The following RIC3 variants were observed in gnomAD, a reference collection of about 807,000 sequenced individuals.
RIC3 encodes the protein RIC3 acetylcholine receptor chaperone, also known as protein RIC-3.
In RIC3, 28 loss-of-function variants were observed where a neutral mutation model predicts 27.3. That is an observed-to-expected ratio of 1.02 (90% CI 0.76 to 1.41). The LOEUF (loss-of-function observed/expected upper bound fraction) is 1.41. RIC3 is among the 40% of genes most tolerant of loss of function. The probability of loss-of-function intolerance (pLI) is 0.00; values close to 1 mark genes in which losing one functional copy is unlikely to be tolerated. For synonymous variants in RIC3, 184 were observed against 160.4 expected (o/e 1.15, Z -1.11); for missense variants, 501 against 444.7 (o/e 1.13, Z -1.14).
intron 5 of RIC3, among the ~76,000 whole-genome samples, chr11:8,120,925 A>G (rs1170062770): frequency 6.6e-6 from 1 of 152,170 alleles, no homozygotes; most frequent in Non-Finnish European, 1.5e-5. Flanking sequence ...CAATTTGTGT[A>G]CAGGTGAAAA....
the RIC3 span, among the ~76,000 whole-genome samples, chr11:8,100,180 A>G: frequency 6.6e-6 from 1 of 152,208 alleles, no homozygotes; most frequent in African/African-American, 2.4e-5. Flanking sequence ...TATAATTGGA[A>G]GGTGGAGCTG....
chr11:8,096,855 C>G, the RIC3 span: 2 of 1,596,240 alleles, frequency 1.3e-6, no homozygotes, highest in Non-Finnish European at 1.7e-6. Flanking sequence ...GACTGCTCAT[C>G]CGTTAGAGGT....
the RIC3 span, chr11:8,097,196 G>C: frequency 1.9e-5 from 30 of 1,611,902 alleles, no homozygotes; most frequent in Non-Finnish European, 2.5e-5. Flanking sequence ...TAGGGTCCTT[G>C]GGGCTCAGGC....
rs1482651589 is a variant in RIC3 at position 8,138,283 on chromosome 11, T to G, written c.416A>C (p.His139Pro). 7 of 1,612,400 alleles carry G rather than the reference T, an allele frequency of 4.3e-6. No homozygotes were observed. In the East Asian group the frequency reaches 8.9e-5, roughly 21 times the overall value. The change falls in exon 3 of 6, where the codon CAC becomes CCC. Residue 139 changes from histidine to proline, a missense_variant. Transcript: ENST00000309737. ...GAAGGGGCACTTACTAATTTTCCTG[T>G]GGGTGTTTCCAGGCATGGCAGTATA... ...KCYTAMPGNT[H>P]RKITSFELAQ... is the part of the protein sequence containing the mutation.
At chr11:8,133,970 T>C (rs1948052413) in intron 4 of RIC3, among the ~76,000 whole-genome samples, 1 of 151,590 alleles carries the variant, frequency 6.6e-6, no homozygotes, top group Admixed American at 6.6e-5. Flanking sequence ...AGAGGTTTCA[T>C]CTATGGTTTT....
chr11:8,101,131 T>C (rs761303639), downstream of RIC3: 11 of 1,109,848 alleles, frequency 9.9e-6, no homozygotes, highest in African/African-American at 1.6e-5. Flanking sequence ...GTTAGATGTA[T>C]GGAACTTTCT....
intron 1 of RIC3, among the ~76,000 whole-genome samples, chr11:8,164,570 G>C (rs1951496027): frequency 6.6e-6 from 1 of 151,978 alleles, no homozygotes; most frequent in Admixed American, 6.6e-5. Context: ...GAGGCCAGAA[G>C]TTCAAGACCA....
chr11:8,101,743 GGGCTCCCTGGCCCAGCCAGCCAGGAACT>G, downstream of RIC3: 1 of 1,448,912 alleles, frequency 6.9e-7, no homozygotes, highest in South Asian at 1.5e-5. Context: ...GGCCCTCAGT[GGGCTCCCTGGCCCAGCCAGCCAGGAACT>G]GGCTCCTTTG....
At chr11:8,153,811 C>G (rs1950445850) in intron 1 of RIC3, among the ~76,000 whole-genome samples, 1 of 152,134 alleles carries the variant, frequency 6.6e-6, no homozygotes, top group Non-Finnish European at 1.5e-5. Context: ...TCATTTTCAC[C>G]TCCTAAAACC....
At position 8,111,065 on chromosome 11, in the gene RIC3, A is replaced by G. The variant is rs1945198924; in HGVS notation, c.743T>C (p.Val248Ala). The G allele has an allele frequency of 6.2e-7, 1 of 1,614,118 alleles. No homozygotes were observed. Among genetic ancestry groups the G allele is most frequent in the Non-Finnish European group, 8.5e-7 (1 of 1,179,992 alleles). Residue 248 changes from valine to alanine, a missense_variant, in exon 6 of 6, where the codon GTG becomes GCG. Val to Ala is a moderately conservative substitution (Grantham distance 64). Transcript: ENST00000309737. Reference protein sequence around the residue: ...CIKRRQETILVDYPDPKELSA... With the variant: ...CIKRRQETILADYPDPKELSA... The stretch of plus-strand genomic sequence containing the variant: ...AAGTTCTTTTGGGTCAGGGTAATCC[A>G]CCAAGATTGTTTCTTGCCTACGCTT...
At chr11:8,139,718 G>T in intron 2 of RIC3, 3 of 269,914 alleles carry the variant, frequency 1.1e-5, no homozygotes, top group Admixed American at 6.6e-5. Context: ...AAAGATCCAT[G>T]TTCAAGTCCT....
chr11:8,093,997 C>T, the RIC3 span: 2 of 1,612,690 alleles, frequency 1.2e-6, no homozygotes, highest in Admixed American at 1.7e-5. Context: ...GCTCTGGTCT[C>T]ACCCACTGCC....
chr11:8,159,373 G>A (rs1950976119), intron 1 of RIC3, among the ~76,000 whole-genome samples: 1 of 152,196 alleles, frequency 6.6e-6, no homozygotes. Flanking sequence ...AAATGGGGAA[G>A]AGAATTACAT....
At chr11:8,163,253 A>C (rs60126747) in intron 1 of RIC3, among the ~76,000 whole-genome samples, 11,271 of 152,012 alleles carry the variant, frequency 0.074, 477 homozygotes, top group South Asian at 0.11. Context: ...CCCCTTCATA[A>C]TGAAAAACAC....
At chr11:8,140,288 C>T (rs982857594) in intron 1 of RIC3, 95 bp from the exon 2 acceptor site, 11 of 1,150,192 alleles carry the variant, frequency 9.6e-6, no homozygotes, top group East Asian at 2.6e-5. Flanking sequence ...GAGGCCAACA[C>T]AAACAAGTAG....
At chr11:8,112,018 C>T (rs1945322813) in intron 5 of RIC3, among the ~76,000 whole-genome samples, 1 of 152,214 alleles carries the variant, frequency 6.6e-6, no homozygotes, top group East Asian at 1.9e-4. Context: ...TTGGCAAATT[C>T]AACCCTAACG....
intron 5 of RIC3, among the ~76,000 whole-genome samples, chr11:8,111,894 G>A (rs1036561782): frequency 1.3e-5 from 2 of 152,252 alleles, no homozygotes; most frequent in Admixed American, 6.5e-5. Context: ...AAGCAAGCCT[G>A]AGCAGCAGAT....
Position 8,126,683 on chromosome 11 carries a change from C to A in RIC3, c.646G>T (p.Ala216Ser), listed in dbSNP as rs774971373. The A allele has an allele frequency of 1.9e-6, 3 of 1,614,126 alleles. No individual in the cohort carries two copies. Among genetic ancestry groups the A allele is most frequent in the Non-Finnish European group, 2.5e-6 (3 of 1,180,000 alleles). Residue 216 changes from alanine (A) to serine (S), a missense_variant, in exon 5 of 6, where the codon GCC (alanine) becomes TCC (serine). Physicochemically the swap from Ala to Ser is moderately conservative, Grantham distance 99. Transcript: ENST00000309737. ...CCTTCCCAGTCCTCCATGTAAGGGG[C>A]CTCCTCAGCTTCTTTCTCTGGAGAA... ...RFSPEKEAEE[A>S]PYMEDWEGYP...
At chr11:8,161,704 G>C (rs11041773) in intron 1 of RIC3, among the ~76,000 whole-genome samples, 39,297 of 152,092 alleles carry the variant, frequency 0.26, 5,175 homozygotes, top group East Asian at 0.44. Flanking sequence ...AGTGATGGAG[G>C]ACTTAAAAGA....
Sources: gnomAD v4.1 joint callset for allele counts (sites outside exome capture counted in the v4.1 genomes callset) on GRCh38, gnomAD v4.1.1 for gene constraint, MANE v1.5 for transcripts, NCBI Gene and HGNC (gene_info 2026-07-23, HGNC 2026-07-21) for gene names.